Variants in OR5BS1 observed in about 807,000 individuals in gnomAD.
The protein encoded by OR5BS1 is olfactory receptor family 5 subfamily BS member 1.
chr12:48,561,488 C>A, the OR5BS1 span, among the ~76,000 whole-genome samples: 1 of 152,144 alleles, frequency 6.6e-6, no homozygotes, highest in African/African-American at 2.4e-5. Context: ...CAGGTAATTT[C>A]TCAGCAGTCC....
chr12:48,562,274 G>A, the OR5BS1 span, among the ~76,000 whole-genome samples: 613 of 152,268 alleles, frequency 4.0e-3, 4 homozygotes, highest in African/African-American at 0.014. Context: ...AATTCCCAGG[G>A]CCATGAAGGT....
the OR5BS1 span, chr12:48,562,858 AC>A: frequency 7.7e-5 from 31 of 401,934 alleles, no homozygotes; most frequent in African/African-American, 4.7e-4. Context: ...CAGTGTGATA[AC>A]CCCCCTGCTG....
chr12:48,562,778 T>C, the OR5BS1 span: 2 of 401,796 alleles, frequency 5.0e-6, no homozygotes, highest in Non-Finnish European at 8.8e-6. Context: ...TGCTTTTCTG[T>C]ACAATTCCCT....
chr12:48,562,780 C>A, the OR5BS1 span: 26 of 401,746 alleles, frequency 6.5e-5, no homozygotes, highest in East Asian at 9.3e-4. Context: ...CTTTTCTGTA[C>A]AATTCCCTTC....
At chr12:48,559,931 T>G in the OR5BS1 span, 1 of 401,484 alleles carries the variant, frequency 2.5e-6, no homozygotes. Flanking sequence ...CTCCTAGGAC[T>G]GTCCAACAAC....
the OR5BS1 span, among the ~76,000 whole-genome samples, chr12:48,562,108 CTTA>C: frequency 1.3e-5 from 2 of 152,154 alleles, no homozygotes; most frequent in African/African-American, 4.8e-5. Context: ...AGATTTTAAT[CTTA>C]TTATTTTGGA....
the OR5BS1 span, among the ~76,000 whole-genome samples, chr12:48,561,085 A>G: frequency 6.7e-6 from 1 of 148,810 alleles, no homozygotes; most frequent in African/African-American, 2.5e-5. Flanking sequence ...CCTGGGTGAC[A>G]GAGTGAGACT....
the OR5BS1 span, chr12:48,559,986 C>T: frequency 2.5e-6 from 1 of 402,842 alleles, no homozygotes; most frequent in South Asian, 1.3e-4. Context: ...TGGTGATTTA[C>T]CTCTTGACTC....
chr12:48,562,478 T>G, the OR5BS1 span, among the ~76,000 whole-genome samples: 13 of 152,338 alleles, frequency 8.5e-5, 1 homozygote, highest in East Asian at 2.5e-3. Context: ...TTCATTCTAT[T>G]TTTTTGTTTT....
chr12:48,562,672 A>C, the OR5BS1 span: 351 of 397,502 alleles, frequency 8.8e-4, 2 homozygotes, highest in African/African-American at 6.8e-3. Context: ...CTGCCACCAG[A>C]GAAAGTCAGC....
At chr12:48,561,788 A>C in the OR5BS1 span, among the ~76,000 whole-genome samples, 50,444 of 152,036 alleles carry the variant, frequency 0.33, 10,463 homozygotes, top group Middle Eastern at 0.46. Flanking sequence ...AGTAAAATAA[A>C]TAAATAAATA....
chr12:48,561,433 T>C, the OR5BS1 span, among the ~76,000 whole-genome samples: 1 of 152,168 alleles, frequency 6.6e-6, no homozygotes, highest in African/African-American at 2.4e-5. Flanking sequence ...AAGAGAAATA[T>C]TATCAACCCA....
the OR5BS1 span, among the ~76,000 whole-genome samples, chr12:48,562,587 T>C: frequency 6.6e-6 from 1 of 152,230 alleles, no homozygotes; most frequent in Non-Finnish European, 1.5e-5. Flanking sequence ...TAACTTTCTG[T>C]GTGAGCTCAC....
chr12:48,559,970 T>G, the OR5BS1 span: 1 of 402,694 alleles, frequency 2.5e-6, no homozygotes, highest in Non-Finnish European at 4.4e-6. Context: ...CTCTTTGTTC[T>G]GTTCCTGGTG....
the OR5BS1 span, chr12:48,560,210 C>T: frequency 2.5e-6 from 1 of 401,216 alleles, no homozygotes; most frequent in Admixed American, 4.4e-5. Flanking sequence ...TCTGGAGCTA[C>T]TGAGGCTTGC....
At chr12:48,562,641 C>T in the OR5BS1 span, among the ~76,000 whole-genome samples, 1 of 152,200 alleles carries the variant, frequency 6.6e-6, no homozygotes, top group Non-Finnish European at 1.5e-5. Flanking sequence ...TGACTTTTCA[C>T]AGATCAGCCA....
the OR5BS1 span, among the ~76,000 whole-genome samples, chr12:48,561,100 C>CA: frequency 9.4e-3 from 1,032 of 109,564 alleles, 5 homozygotes; most frequent in Middle Eastern, 0.036. Flanking sequence ...GAGACTAGGT[C>CA]AAAAAAAAAA....
chr12:48,560,429 C>T, the OR5BS1 span: 3 of 401,400 alleles, frequency 7.5e-6, no homozygotes, highest in Admixed American at 4.4e-5. Flanking sequence ...GAGCTTCCTC[C>T]GGTGCTCTTA....
chr12:48,559,954 G>T, the OR5BS1 span: 1 of 402,138 alleles, frequency 2.5e-6, no homozygotes, highest in Non-Finnish European at 4.4e-6. Context: ...TCAGGTTCAG[G>T]CACTGCTCTT....
Sources: gnomAD v4.1 joint callset for allele counts (sites outside exome capture counted in the v4.1 genomes callset) on GRCh38, gnomAD v4.1.1 for gene constraint, MANE v1.5 for transcripts, NCBI Gene and HGNC (gene_info 2026-07-23, HGNC 2026-07-21) for gene names.